Variants in PLEKHB2 observed in about 807,000 individuals in gnomAD.
PLEKHB2 encodes pleckstrin homology domain containing B2, also known as pleckstrin homology domain-containing family B member 2.
Under a neutral mutation model 36.5 loss-of-function variants are expected in PLEKHB2, and 31 were observed. The observed-to-expected ratio is 0.85, with a 90% CI of 0.64 to 1.15. The LOEUF is 1.15. Among genes scored for constraint, PLEKHB2 ranks in the 50% most tolerant of loss-of-function variants. The probability of loss-of-function intolerance (pLI) is 0.00; values close to 1 mark genes in which losing one functional copy is unlikely to be tolerated. For missense variants in PLEKHB2, 262 were observed against 295.3 expected (o/e 0.89, Z 0.83); for synonymous variants, 119 against 112.0 (o/e 1.06, Z -0.39).
chr2:131,125,886 C>T lies in PLEKHB2; in HGVS notation c.171C>T (p.Arg57=). ...TGCCAATGGACTGCATCAACATCCGCACGGGGCAGGAATGTCGGGGTAAGC... is the reference window on the plus strand; with the variant it reads ...TGCCAATGGACTGCATCAACATCCGTACGGGGCAGGAATGTCGGGGTAAGC... ...VHMPMDCINI[R]TGQECRDTQP... Residue 57 remains arginine (R), a synonymous_variant, in exon 3 of 8, where the codon CGC becomes CGT. Transcript: ENST00000693505. The T allele has an allele frequency of 6.2e-7, 1 of 1,613,296 alleles. No individual in the cohort carries two copies. Among genetic ancestry groups the T allele is most frequent in the Non-Finnish European group, 8.5e-7 (1 of 1,179,756 alleles).
chr2:131,135,767 ATTTTTTTAT>A (rs1393723406), intron 6 of PLEKHB2, among the ~76,000 whole-genome samples: 1 of 150,170 alleles, frequency 6.7e-6, no homozygotes, highest in Non-Finnish European at 1.5e-5. Flanking sequence ...TGCCCGGCTA[ATTTTTTTAT>A]TTTTTTTATT....
At chr2:131,128,092 C>T (rs1033153560) in intron 4 of PLEKHB2, among the ~76,000 whole-genome samples, 3 of 152,132 alleles carry the variant, frequency 2.0e-5, no homozygotes, top group African/African-American at 7.2e-5. Flanking sequence ...CTCTTCTAGC[C>T]CTGTGCCCTC....
At chr2:131,114,315 G>C (rs1037643387) in intron 1 of PLEKHB2, among the ~76,000 whole-genome samples, 1 of 152,038 alleles carries the variant, frequency 6.6e-6, no homozygotes, top group Non-Finnish European at 1.5e-5. Flanking sequence ...TAGTAGAGAC[G>C]GGGTTTCATC....
At chr2:131,117,456 C>G in intron 1 of PLEKHB2, among the ~76,000 whole-genome samples, 1 of 152,250 alleles carries the variant, frequency 6.6e-6, no homozygotes, top group Middle Eastern at 3.4e-3. Context: ...AAATTGACCA[C>G]AGAAGTTCAG....
rs750613829 is a variant in PLEKHB2, at chr2:131,120,868, A to G, written c.-8-66A>G. ...GATGCTGAAGGGGATAAGGATAGAGACTCGGGCCGGACAGGCTATTCTCTT... is the reference window on the plus strand; with the variant it reads ...GATGCTGAAGGGGATAAGGATAGAGGCTCGGGCCGGACAGGCTATTCTCTT... On this transcript the variant is annotated intron_variant, in intron 1 of 7. Coordinates refer to ENST00000693505, the MANE Select transcript of PLEKHB2 (RefSeq NM_001100623.2). 7.4e-5 allele frequency: 111 copies of G among 1,499,594 alleles called. 1 individual carries two copies. The highest frequency in any genetic ancestry group is 1.2e-4 in the Admixed American group (7 of 59,348). The allele number at this position is 1,499,594 out of a possible 1,614,324, so 92.9% of individuals were successfully genotyped here. A position where few individuals can be genotyped will look rare whatever the true frequency, so the allele number is the denominator to read the frequency against.
At chr2:131,119,581 T>G (rs1164080064) in intron 1 of PLEKHB2, among the ~76,000 whole-genome samples, 1 of 152,218 alleles carries the variant, frequency 6.6e-6, no homozygotes, top group East Asian at 1.9e-4. Flanking sequence ...TCTGCACATA[T>G]CTCAGTGAGG....
At chr2:131,110,384 C>T (rs1695177104) in intron 1 of PLEKHB2, among the ~76,000 whole-genome samples, 1 of 151,030 alleles carries the variant, frequency 6.6e-6, no homozygotes, top group Non-Finnish European at 1.5e-5. Flanking sequence ...TCCTCCCCTG[C>T]CAGTTGAAGA....
chr2:131,109,706 A>G (rs1479831238), intron 1 of PLEKHB2, among the ~76,000 whole-genome samples: 1 of 152,096 alleles, frequency 6.6e-6, no homozygotes, highest in Non-Finnish European at 1.5e-5. Flanking sequence ...AAACAAACAA[A>G]AAAAACAACC....
rs1697128113 is a variant in PLEKHB2 at position 131,126,579 on chromosome 2, C to T, written c.191-105C>T. 3 of 713,334 alleles carry T rather than the reference C, an allele frequency of 4.2e-6. No homozygotes were observed. In the Admixed American group the frequency reaches 6.8e-5, roughly 16 times the overall value. The allele number at this position is 713,334 out of a possible 1,614,324, so 44.2% of individuals were successfully genotyped here. A position where few individuals can be genotyped will look rare whatever the true frequency, so the allele number is the denominator to read the frequency against. On this transcript the variant is annotated intron_variant, in intron 3 of 7. Transcript: ENST00000693505. The stretch of plus-strand genomic sequence containing the variant: ...GCAGAGGGTTCTTTCATAGATGTAG[C>T]ACTTGATTTATTGTCTAGTCCTTTG...
At chr2:131,108,986 G>A (rs1264832713) in intron 1 of PLEKHB2, among the ~76,000 whole-genome samples, 1 of 152,106 alleles carries the variant, frequency 6.6e-6, no homozygotes, top group Non-Finnish European at 1.5e-5. Flanking sequence ...TCTGAACATA[G>A]GTCTTTTAAC....
intron 2 of PLEKHB2, 97 bp downstream of exon 2, chr2:131,121,075 A>G: frequency 1.7e-6 from 2 of 1,144,296 alleles, no homozygotes; most frequent in Non-Finnish European, 2.6e-6. Flanking sequence ...CAAATAACAA[A>G]GTTTTATGAG....
At chr2:131,144,866 T>C (rs1427799583) in intron 7 of PLEKHB2, among the ~76,000 whole-genome samples, 4 of 152,242 alleles carry the variant, frequency 2.6e-5, no homozygotes, top group Non-Finnish European at 5.9e-5. Context: ...TCTATTGTGT[T>C]ACATTTGGCT....
At chr2:131,121,525 G>A (rs531262777) in intron 2 of PLEKHB2, among the ~76,000 whole-genome samples, 58 of 152,280 alleles carry the variant, frequency 3.8e-4, no homozygotes, top group African/African-American at 1.4e-3. Flanking sequence ...GGGATTACAA[G>A]CGTGAGCCAC....
chr2:131,142,206 G>T (rs779558708), intron 7 of PLEKHB2, among the ~76,000 whole-genome samples: 1 of 152,144 alleles, frequency 6.6e-6, no homozygotes, highest in Non-Finnish European at 1.5e-5. Flanking sequence ...CCACACAGGC[G>T]GTGCCCCAGA....
At chr2:131,111,481 C>CT (rs1378740645) in intron 1 of PLEKHB2, among the ~76,000 whole-genome samples, 17 of 136,570 alleles carry the variant, frequency 1.2e-4, no homozygotes, top group African/African-American at 4.6e-4. Flanking sequence ...CTGAATATTT[C>CT]TTTTTATTCT....
chr2:131,120,033 A>G (rs1696323348), intron 1 of PLEKHB2, among the ~76,000 whole-genome samples: 1 of 150,876 alleles, frequency 6.6e-6, no homozygotes, highest in Admixed American at 6.6e-5. Context: ...CAGTGGTGCA[A>G]TCTCGGCTCA....
chr2:131,132,929 G>A lies in PLEKHB2; in HGVS notation c.361G>A (p.Asp121Asn), dbSNP rs183938994. 25 of 1,613,400 alleles carry A rather than the reference G, an allele frequency of 1.5e-5. No individual in the cohort carries two copies. The highest frequency in any genetic ancestry group is 2.2e-5 in the East Asian group (1 of 44,874). ...GTATGTGGGCTCTGCAGTCATGACC[G>A]ATGAGACATCCGTGGTTTCCTCACC... ...TAYVGSAVMT[D>N]ETSVVSSPPP... is the part of the protein sequence containing the mutation. Residue 121 changes from aspartate to asparagine, a missense_variant, in exon 6 of 8, where the codon GAT becomes AAT. Asp to Asn is a conservative substitution (Grantham distance 23, BLOSUM62 1). Coordinates refer to ENST00000693505, the MANE Select transcript of PLEKHB2 (RefSeq NM_001100623.2).
At chr2:131,128,687 G>T (rs1254896418) in intron 4 of PLEKHB2, among the ~76,000 whole-genome samples, 3 of 152,084 alleles carry the variant, frequency 2.0e-5, no homozygotes, top group African/African-American at 7.2e-5. Flanking sequence ...GTGAATCATT[G>T]GCATGGAAGA....
intron 4 of PLEKHB2, among the ~76,000 whole-genome samples, chr2:131,128,956 A>C (rs1355224368): frequency 6.7e-6 from 1 of 148,728 alleles, no homozygotes; most frequent in Non-Finnish European, 1.5e-5. Flanking sequence ...ACCCTTTAGC[A>C]AAGTGAATGA....
Sources: allele counts gnomAD v4.1 joint callset (sites outside exome capture counted in the v4.1 genomes callset), GRCh38; gene constraint gnomAD v4.1.1; transcripts MANE v1.5; gene names NCBI Gene and HGNC (gene_info 2026-07-23, HGNC 2026-07-21).